The following SRGAP2C variants were observed in gnomAD, a reference collection of about 807,000 sequenced individuals.
The protein encoded by SRGAP2C is SLIT-ROBO Rho GTPase-activating protein 2C.
In SRGAP2C, 15 loss-of-function variants were observed where a neutral mutation model predicts 25.1. The observed-to-expected ratio is 0.60, with a 90% CI of 0.40 to 0.92. SRGAP2C has a LOEUF of 0.92. Among genes scored for constraint, SRGAP2C ranks in the 40% least tolerant of loss-of-function variants. The pLI, the probability that SRGAP2C is intolerant of heterozygous loss-of-function variation, is 0.00. For synonymous variants in SRGAP2C, 44 were observed against 96.6 expected (o/e 0.46, Z 3.19); for missense variants, 144 against 264.4 (o/e 0.54, Z 3.16).
chr1:121,198,929 A>G (rs1376544698), intron 2 of SRGAP2C, among the ~76,000 whole-genome samples: 1 of 152,186 alleles, frequency 6.6e-6, no homozygotes, highest in Non-Finnish European at 1.5e-5. Context: ...ATTGGCTGCC[A>G]TGATTTTAGA....
chr1:121,380,835 AG>A (rs1431733773), intron 7 of SRGAP2C, among the ~76,000 whole-genome samples: 1 of 151,362 alleles, frequency 6.6e-6, no homozygotes, highest in Non-Finnish European at 1.5e-5. Context: ...GGGTATGAAT[AG>A]GGGTAGAGGT....
chr1:121,255,321 G>A (rs1553332165), intron 2 of SRGAP2C, among the ~76,000 whole-genome samples: 2 of 151,712 alleles, frequency 1.3e-5, no homozygotes, highest in South Asian at 2.1e-4. Context: ...ATGGGTTGAA[G>A]TTGTTTTTAT....
In SRGAP2C at chr1:121,294,690, C is replaced by CA. The variant is rs1463195135; in HGVS notation, c.260+9695_260+9696insA. On this transcript the variant is annotated intron_variant, in intron 3 of 9. Transcript: ENST00000367123. ...TTTAATAGCTCATTTTTTTAGGTAG[C>CA]TTTTTTTTTTCTGTTGAGTTTTTAG... 1.1e-3 allele frequency among the ~76,000 whole-genome samples: 131 copies of CA among 115,942 alleles called. 2 individuals carry two copies. The highest frequency in any genetic ancestry group is 4.2e-3 in the Middle Eastern group (1 of 236). 76.1% of individuals were successfully genotyped at this position (115,942 alleles called of 152,430 possible).
intron 4 of SRGAP2C, among the ~76,000 whole-genome samples, chr1:121,334,793 TTG>T (rs1205346278): frequency 4.1e-5 from 6 of 147,444 alleles, no homozygotes; most frequent in African/African-American, 1.5e-4. Context: ...TTTGTAGAAA[TTG>T]TAGGAAAAAT....
rs1189983053 is a variant in SRGAP2C at position 121,341,311 on chromosome 1, C to A, written c.423+16671C>A. On this transcript the variant is annotated intron_variant, in intron 4 of 9. Coordinates refer to ENST00000367123, the MANE Select transcript of SRGAP2C (RefSeq NM_001329984.2). ...CCCATGTTCCAGGCACTGTGCTGGG[C>A]ACTGGAATATAGCAGATAACAAAAA... Among the ~76,000 whole-genome samples the A allele has an allele frequency of 2.4e-5, 2 of 84,992 alleles. 1 individual carries two copies. The highest frequency in any genetic ancestry group is 4.8e-5 in the Non-Finnish European group (2 of 41,412). 55.8% of individuals were successfully genotyped at this position (84,992 alleles called of 152,430 possible).
At chr1:121,295,881 C>A (rs1269556106) in intron 3 of SRGAP2C, among the ~76,000 whole-genome samples, 2 of 152,098 alleles carry the variant, frequency 1.3e-5, no homozygotes, top group African/African-American at 4.8e-5. Context: ...CCTGCCTCAG[C>A]CTCCCGAGTA....
Position 121,185,055 on chromosome 1 carries a change from G to T in SRGAP2C, c.-612G>T. 2.0e-6 allele frequency: 1 copy of T among 504,432 alleles called. No homozygotes were observed. Among genetic ancestry groups the T allele is most frequent in the Non-Finnish European group, 3.5e-6 (1 of 285,602 alleles). The allele number at this position is 504,432 out of a possible 1,614,324, so 31.2% of individuals were successfully genotyped here. A position where few individuals can be genotyped will look rare whatever the true frequency, so the allele number is the denominator to read the frequency against. The stretch of plus-strand genomic sequence containing the variant: ...GATCTGCGTAGAAACGGGTGGCGGG[G>T]AAGAGAGGGGAGGAGAGCTCTGAGT... On this transcript the variant is annotated 5_prime_UTR_variant, in exon 1 of 10. Transcript: ENST00000367123.
chr1:121,324,385 G>T lies in SRGAP2C; in HGVS notation c.261-93G>T, dbSNP rs1197517818. ...ATATCTTTATTTCTGGATTGGCTTT[G>T]ATTGCTGTGATTTTAGGACACGGAC... On this transcript the variant is annotated intron_variant, in intron 3 of 9. Coordinates refer to ENST00000367123, the MANE Select transcript of SRGAP2C (RefSeq NM_001329984.2). 30 of 907,288 alleles carry T rather than the reference G, an allele frequency of 3.3e-5. 2 individuals are homozygous for T. The South Asian group carries it at 3.9e-4, about 12-fold the overall frequency. 56.2% of individuals were successfully genotyped at this position (907,288 alleles called of 1,614,324 possible).
intron 2 of SRGAP2C, among the ~76,000 whole-genome samples, chr1:121,235,026 C>CTT (rs587610530): frequency 1.6e-4 from 22 of 138,012 alleles, no homozygotes; most frequent in African/African-American, 5.9e-4. Context: ...TTCTTTCTTT[C>CTT]TTTTTTTTTT....
intron 3 of SRGAP2C, chr1:121,314,952 G>A (rs1471598366): frequency 3.2e-6 from 3 of 936,940 alleles, no homozygotes; most frequent in Admixed American, 2.3e-5. Flanking sequence ...TTTATTTTGA[G>A]CCAGGGCTTG....
chr1:121,286,433 A>C (rs1393748748), intron 3 of SRGAP2C, among the ~76,000 whole-genome samples: 5 of 151,448 alleles, frequency 3.3e-5, no homozygotes, highest in Admixed American at 6.6e-5. Context: ...TTTTATTTTA[A>C]TTTTTGTAGA....
At position 121,357,364 on chromosome 1, in the gene SRGAP2C, C is replaced by G. The variant is rs868962505; in HGVS notation, c.424-7929C>G. On this transcript the variant is annotated intron_variant, in intron 4 of 9. Coordinates refer to ENST00000367123, the MANE Select transcript of SRGAP2C (RefSeq NM_001329984.2). ...GTTTCCTTTATGCCCACAGTCGAAC[C>G]ATATCCTAGTTGTACAGCCAAGAAG... 1.3e-3 allele frequency among the ~76,000 whole-genome samples: 169 copies of G among 133,254 alleles called. 2 individuals are homozygous for G. The highest frequency in any genetic ancestry group is 4.6e-3 in the African/African-American group (161 of 34,630). 87.4% of individuals were successfully genotyped at this position (133,254 alleles called of 152,430 possible). A position where few individuals can be genotyped will look rare whatever the true frequency, so the allele number is the denominator to read the frequency against.
intron 3 of SRGAP2C, among the ~76,000 whole-genome samples, chr1:121,321,690 A>G (rs1238785803): frequency 6.6e-6 from 1 of 150,848 alleles, no homozygotes; most frequent in African/African-American, 2.4e-5. Context: ...TGCAGGCGTG[A>G]GCCACACCTT....
At chr1:121,364,339 GA>G (rs1459226870) in intron 4 of SRGAP2C, among the ~76,000 whole-genome samples, 1 of 122,228 alleles carries the variant, frequency 8.2e-6, no homozygotes, top group East Asian at 2.5e-4. Flanking sequence ...TTTTGAGACA[GA>G]GTCTCACTCT....
rs1452003957 is a variant in SRGAP2C at position 121,285,402 on chromosome 1, T to TCACA, written c.260+408_260+409insACAC. Among the ~76,000 whole-genome samples the TCACA allele has an allele frequency of 5.4e-3, 689 of 128,316 alleles. 12 individuals carry two copies. Among genetic ancestry groups the TCACA allele is most frequent in the East Asian group, 0.017 (69 of 4,026 alleles). 84.2% of individuals were successfully genotyped at this position (128,316 alleles called of 152,430 possible). On this transcript the variant is annotated intron_variant, in intron 3 of 9. Transcript: ENST00000367123. ...CTATCTTAATCTCTGTCTCTCTCTCTCTCACACACACACACACACACACTC... is the reference window on the plus strand; with the variant it reads ...CTATCTTAATCTCTGTCTCTCTCTCTCACACTCACACACACACACACACACACTC...
At chr1:121,315,395 C>A (rs1466636130) in intron 3 of SRGAP2C, among the ~76,000 whole-genome samples, 4 of 143,508 alleles carry the variant, frequency 2.8e-5, no homozygotes, top group Admixed American at 2.1e-4. Context: ...TAGTAAGTGG[C>A]AGAGCTAAGC....
chr1:121,266,518 A>G (rs1656787842), intron 2 of SRGAP2C, among the ~76,000 whole-genome samples: 1 of 151,220 alleles, frequency 6.6e-6, no homozygotes, highest in Admixed American at 6.6e-5. Flanking sequence ...GAAAACAATA[A>G]GGTTGTTGAT....
At chr1:121,273,896 G>T (rs1553335704) in intron 2 of SRGAP2C, among the ~76,000 whole-genome samples, 2 of 151,750 alleles carry the variant, frequency 1.3e-5, no homozygotes, top group African/African-American at 4.8e-5. Context: ...GGGGTAGAAG[G>T]CAATGCACTG....
At position 121,243,359 on chromosome 1, in the gene SRGAP2C, CTT is replaced by C. The variant is rs1448586005; in HGVS notation, c.68-41443_68-41442del. 0.011 allele frequency among the ~76,000 whole-genome samples: 1,399 copies of C among 129,482 alleles called. 129 individuals carry two copies. The East Asian group carries it at 0.23, about 21-fold the overall frequency. The allele number at this position is 129,482 out of a possible 152,430, so 84.9% of individuals were successfully genotyped here. On this transcript the variant is annotated intron_variant, in intron 2 of 9. Coordinates refer to ENST00000367123, the MANE Select transcript of SRGAP2C (RefSeq NM_001329984.2). ...TCTGCTGGGTATTGATCTTGTATAC[CTT>C]CATTCTCAGTACAAAACCCTTAGCA...
Sources: gnomAD v4.1 joint callset for allele counts (sites outside exome capture counted in the v4.1 genomes callset) on GRCh38, gnomAD v4.1.1 for gene constraint, MANE v1.5 for transcripts, NCBI Gene and HGNC (gene_info 2026-07-23, HGNC 2026-07-21) for gene names.